GUCY1A2: variants seen among roughly 807,000 people sequenced by gnomAD.
GUCY1A2 encodes guanylate cyclase soluble subunit alpha-2.
GUCY1A2 carries 27 observed loss-of-function variants against 63.5 expected under a neutral mutation model. That is an observed-to-expected ratio of 0.43 (90% confidence interval 0.31 to 0.59). GUCY1A2 has a LOEUF of 0.59. Among genes scored for constraint, GUCY1A2 ranks in the 20% least tolerant of loss-of-function variants. The pLI is 0.11. For missense variants in GUCY1A2, 768 were observed against 913.3 expected, an observed-to-expected ratio of 0.84 and a Z score of 2.05; for synonymous variants, 364 against 343.5, an observed-to-expected ratio of 1.06 and a Z score of -0.66.
At chr11:106,709,325 AT>A (rs1337394458) in intron 6 of GUCY1A2, among the ~76,000 whole-genome samples, 19 of 53,992 alleles carry the variant, frequency 3.5e-4, no homozygotes, top group African/African-American at 1.6e-3. Context: ...ATTTATATAT[AT>A]TATATAAATA....
chr11:106,980,820 G>T (rs1041597989), intron 2 of GUCY1A2, among the ~76,000 whole-genome samples: 2 of 152,152 alleles, frequency 1.3e-5, no homozygotes, highest in Non-Finnish European at 1.5e-5. Flanking sequence ...ACAGTTTCCA[G>T]AATGCAGGAG....
At chr11:106,855,752 C>T (rs1442313371) in intron 4 of GUCY1A2, among the ~76,000 whole-genome samples, 1 of 152,076 alleles carries the variant, frequency 6.6e-6, no homozygotes, top group Non-Finnish European at 1.5e-5. Context: ...TTACACTGGC[C>T]TACATGTCTA....
chr11:106,913,828 G>C (rs1010261070), intron 4 of GUCY1A2, among the ~76,000 whole-genome samples: 2 of 151,830 alleles, frequency 1.3e-5, no homozygotes, highest in Admixed American at 6.6e-5. Flanking sequence ...ATTTCCTATA[G>C]GGGAAAATAC....
At chr11:106,833,765 T>C (rs962683957) in intron 4 of GUCY1A2, among the ~76,000 whole-genome samples, 2 of 152,070 alleles carry the variant, frequency 1.3e-5, no homozygotes, top group African/African-American at 4.8e-5. Context: ...AAAATATCTT[T>C]TAATGTCTTA....
chr11:106,684,816 TA>T lies in GUCY1A2; in HGVS notation c.*2732del, dbSNP rs1375412734. 4.8e-6 allele frequency: 1 copy of T among 209,672 alleles called. No individual in the cohort carries two copies. Among genetic ancestry groups the T allele is most frequent in the Non-Finnish European group, 9.7e-6 (1 of 103,156 alleles). The allele number at this position is 209,672 out of a possible 1,614,324, so 13.0% of individuals were successfully genotyped here. On this transcript the variant is annotated 3_prime_UTR_variant, in exon 8 of 8. Transcript: ENST00000526355. Reference sequence around the variant, plus strand: ...GCCATACTAAAATGCATGCTGTTGGTAATAGTTTGTAAGTAAGTGAGAATAC... The same window carrying T: ...GCCATACTAAAATGCATGCTGTTGGTATAGTTTGTAAGTAAGTGAGAATAC...
At chr11:106,969,570 C>CA (rs35401717) in intron 3 of GUCY1A2, among the ~76,000 whole-genome samples, 24,978 of 149,300 alleles carry the variant, frequency 0.17, 2,146 homozygotes, top group Middle Eastern at 0.19. Context: ...GAAATAAAGA[C>CA]AAAAAAAAAC....
intron 6 of GUCY1A2, among the ~76,000 whole-genome samples, chr11:106,741,960 T>C (rs1863702121): frequency 6.6e-6 from 1 of 152,218 alleles, no homozygotes; most frequent in Non-Finnish European, 1.5e-5. Flanking sequence ...GTTATGACAT[T>C]TGCATGTATA....
intron 5 of GUCY1A2, 56 bp downstream of exon 5, chr11:106,809,937 C>T (rs988204518): frequency 1.8e-6 from 2 of 1,111,162 alleles, no homozygotes; most frequent in African/African-American, 3.2e-5. Context: ...CAATTTAATT[C>T]ACATGACAAT....
At chr11:106,965,151 A>G (rs984320775) in intron 3 of GUCY1A2, among the ~76,000 whole-genome samples, 1 of 151,824 alleles carries the variant, frequency 6.6e-6, no homozygotes, top group South Asian at 2.1e-4. Context: ...TTTTGGAAAC[A>G]GAGAAAAATG....
rs866109841 is a variant in GUCY1A2 at position 106,708,049 on chromosome 11, T to C, written c.1991+463A>G. ...AAAAAATTTCAAACCGTAAAACACT[T>C]GTGGTCCCAAGCATTTTGAGTAAGG... On this transcript the variant is annotated intron_variant, in intron 7 of 7. Transcript: ENST00000526355. Among the ~76,000 whole-genome samples, 8 of 152,112 alleles carry C rather than the reference T, an allele frequency of 5.3e-5. No homozygotes were observed. In the Middle Eastern group the frequency reaches 0.01, roughly 194 times the overall value.
chr11:106,978,813 C>T, intron 2 of GUCY1A2, 73 bp from the exon 3 acceptor site: 1 of 922,736 alleles, frequency 1.1e-6, no homozygotes, highest in Non-Finnish European at 1.7e-6. Context: ...TATACACACG[C>T]ACAAGCACAC....
At chr11:106,747,133 G>A (rs138201017) in intron 6 of GUCY1A2, among the ~76,000 whole-genome samples, 1,655 of 152,092 alleles carry the variant, frequency 0.011, 13 homozygotes, top group Middle Eastern at 0.048. Context: ...GACTACAGGC[G>A]CCTGCCACCA....
intron 6 of GUCY1A2, among the ~76,000 whole-genome samples, chr11:106,713,496 C>CTTTTTTTTTTTTTTTTTTTTTTT (rs143909145): frequency 1.3e-5 from 1 of 78,354 alleles, no homozygotes; most frequent in African/African-American, 5.6e-5. Flanking sequence ...TAGTATGTTT[C>CTTTTTTTTTTTTTTTTTTTTTTT]TTTTTTTTTT....
At chr11:106,703,077 G>T (rs369831578) in intron 7 of GUCY1A2, among the ~76,000 whole-genome samples, 1 of 152,126 alleles carries the variant, frequency 6.6e-6, no homozygotes, top group Non-Finnish European at 1.5e-5. Context: ...AACATGGAAA[G>T]ATTAGACTGG....
At chr11:106,985,925 A>G in intron 2 of GUCY1A2, 145 bp downstream of exon 2, 1 of 603,338 alleles carries the variant, frequency 1.7e-6, no homozygotes, top group Admixed American at 2.7e-5. Flanking sequence ...CTCCCCCAAT[A>G]AGCCTTCACG....
chr11:106,773,138 T>G (rs1864287041), intron 6 of GUCY1A2, among the ~76,000 whole-genome samples: 1 of 152,126 alleles, frequency 6.6e-6, no homozygotes, highest in Non-Finnish European at 1.5e-5. Flanking sequence ...ACTTCCCATA[T>G]CTTTCCCTCA....
At chr11:107,005,394 T>G (rs1401036252) in intron 1 of GUCY1A2, among the ~76,000 whole-genome samples, 1 of 152,106 alleles carries the variant, frequency 6.6e-6, no homozygotes, top group South Asian at 2.1e-4. Flanking sequence ...TCACCCAGCC[T>G]CCTGAATATC....
chr11:106,982,828 G>A (rs1035181091), intron 2 of GUCY1A2, among the ~76,000 whole-genome samples: 2 of 152,164 alleles, frequency 1.3e-5, no homozygotes, highest in Non-Finnish European at 1.5e-5. Flanking sequence ...AATTACAGAG[G>A]TAGGCAGAGG....
intron 4 of GUCY1A2, among the ~76,000 whole-genome samples, chr11:106,892,187 A>C (rs1252011548): frequency 6.6e-6 from 1 of 152,040 alleles, no homozygotes; most frequent in Non-Finnish European, 1.5e-5. Context: ...TTATTTATTA[A>C]AAAATTATTT....
Sources: allele counts gnomAD v4.1 joint callset (sites outside exome capture counted in the v4.1 genomes callset), GRCh38; gene constraint gnomAD v4.1.1; transcripts MANE v1.5; gene names NCBI Gene and HGNC (gene_info 2026-07-23, HGNC 2026-07-21).